The following NME6 variants were observed in gnomAD, a reference collection of about 807,000 sequenced individuals.
NME6 encodes NME/NM23 nucleoside diphosphate kinase 6.
NME6 carries 16 observed loss-of-function variants against 22.2 expected under a neutral mutation model. The ratio of observed to expected loss-of-function variants is 0.72; its 90% CI spans 0.49 to 1.09. NME6 has a LOEUF of 1.09. Ranked by LOEUF, NME6 falls within the 50% of genes least tolerant of loss-of-function variation. NME6 has a pLI of 0.00. For missense variants in NME6, 229 were observed against 239.0 expected (o/e 0.96, Z 0.28); for synonymous variants, 58 against 85.2 (o/e 0.68, Z 1.76).
At position 48,294,612 on chromosome 3, in the gene NME6, T is replaced by C. The variant is rs1178695466; in HGVS notation, c.*25A>G. 7.5e-6 allele frequency: 12 copies of C among 1,609,844 alleles called. No individual in the cohort carries two copies. The highest frequency in any genetic ancestry group is 1.0e-5 in the Non-Finnish European group (12 of 1,176,996). ...AGATGTCTAGGAGAAGTCTGGGCAC[T>C]ACCACTGGTCTTCATAGACCTGCAT... On this transcript the variant is annotated 3_prime_UTR_variant, in exon 6 of 6. Coordinates refer to ENST00000442597, the MANE Select transcript of NME6 (RefSeq NM_001308426.2).
chr3:48,296,330 C>G, intron 3 of NME6, 172 bp from the exon 4 acceptor site: 1 of 876,834 alleles, frequency 1.1e-6, no homozygotes, highest in Non-Finnish European at 1.8e-6. Context: ...TTACAACCTG[C>G]GTAGTTTTGG....
chr3:48,296,845 C>T lies in NME6; in HGVS notation c.91-16G>A. 3 of 1,587,538 alleles carry T rather than the reference C, an allele frequency of 1.9e-6. No individual in the cohort carries two copies. Among genetic ancestry groups the T allele is most frequent in the Non-Finnish European group, 2.6e-6 (3 of 1,160,306 alleles). On this transcript the variant is annotated splice_polypyrimidine_tract_variant and intron_variant, in intron 2 of 5. Coordinates refer to ENST00000442597, the MANE Select transcript of NME6 (RefSeq NM_001308426.2). ...GATGAACAGCCTGAATAAAGACCAT[C>T]CCCAAAATAAAAATCAATCAGGAGA...
In NME6 at chr3:48,295,198, C is replaced by T; in HGVS notation, c.271G>A (p.Ala91Thr). The T allele has an allele frequency of 6.2e-7, 1 of 1,608,050 alleles. No individual in the cohort carries two copies. The highest frequency in any genetic ancestry group is 1.1e-5 in the South Asian group (1 of 90,622). Residue 91 changes from alanine (A) to threonine (T), a missense_variant, in exon 5 of 6, where the codon GCC (alanine) becomes ACC (threonine). Coordinates refer to ENST00000442597, the MANE Select transcript of NME6 (RefSeq NM_001308426.2). ...IRAYILAHKDAIQLWRTLMGP... is the reference protein window; with the variant it reads ...IRAYILAHKDTIQLWRTLMGP... ...ATGAGCGTCCTCCAGAGCTGGATGG[C>T]ATCCTTGTGGGCAAGGATGTAGGCT...
At position 48,298,491 on chromosome 3, in the gene NME6, T is replaced by G; in HGVS notation, c.26A>C (p.Gln9Pro). 6.2e-7 allele frequency: 1 copy of G among 1,610,936 alleles called. No individual in the cohort carries two copies. The change falls in exon 2 of 6, where the codon CAG becomes CCG. Residue 9 changes from glutamine to proline, a missense_variant. Gln to Pro is a moderately conservative substitution (Grantham distance 76). Transcript: ENST00000442597. The part of the protein sequence containing the change: MASILRSP[Q>P]ALQLTLALIK... ...CAGGGCTAGAGTGAGCTGGAGAGCCTGAGGGCTTCGCAAGATTGAGGCCAT... is the reference window on the plus strand; with the variant it reads ...CAGGGCTAGAGTGAGCTGGAGAGCCGGAGGGCTTCGCAAGATTGAGGCCAT...
intron 1 of NME6, chr3:48,298,929 A>G: frequency 1.4e-6 from 1 of 702,808 alleles, no homozygotes; most frequent in Non-Finnish European, 2.6e-6. Flanking sequence ...TGATGAATTC[A>G]TCTCTTAAAA....
In NME6 at chr3:48,295,171, C is replaced by A. The variant is rs1162813916; in HGVS notation, c.298G>T (p.Gly100Ter). ...DAIQLWRTLM[G>*]PTRVFRARHV... is the part of the protein sequence containing the mutation. ...CGTGCTCGGAACACTCTGGTGGGTC[C>A]CATGAGCGTCCTCCAGAGCTGGATG... The change falls in exon 5 of 6, where the codon GGA becomes TGA. Residue 100 changes from glycine (G) to a stop codon, truncating the protein, a stop_gained. Transcript: ENST00000442597. LOFTEE classifies it high-confidence loss of function. The A allele has an allele frequency of 6.2e-7, 1 of 1,614,032 alleles. No homozygotes were observed. The highest frequency in any genetic ancestry group is 1.3e-5 in the African/African-American group (1 of 74,910).
At chr3:48,290,805 G>A (rs912114656), downstream of NME6, 17 of 172,104 alleles carry the variant, frequency 9.9e-5, no homozygotes, top group Non-Finnish European at 7.5e-5. Context: ...AGAACCAAGG[G>A]GCTCCATAAT....
At chr3:48,290,151 T>G (rs1026830944), downstream of NME6, among the ~76,000 whole-genome samples, 3 of 151,792 alleles carry the variant, frequency 2.0e-5, no homozygotes, top group African/African-American at 7.2e-5. Flanking sequence ...GCCTCCACCT[T>G]CCAGGCTCAA....
rs2035340546 is a variant in NME6, at chr3:48,298,458, G to T, written c.59C>A (p.Pro20His). 6.2e-7 allele frequency: 1 copy of T among 1,614,034 alleles called. No individual in the cohort carries two copies. Among genetic ancestry groups the T allele is most frequent in the South Asian group, 1.1e-5 (1 of 91,092 alleles). The stretch of plus-strand genomic sequence containing the variant: ...AATCAGTGGATGGGCGACTGCGTCA[G>T]GCTTGATCAGGGCTAGAGTGAGCTG... ...ALQLTLALIKPDAVAHPLILE... is the reference protein window; with the variant it reads ...ALQLTLALIKHDAVAHPLILE... Residue 20 changes from proline (P) to histidine (H), a missense_variant, in exon 2 of 6, where the codon CCT (proline) becomes CAT (histidine). Coordinates refer to ENST00000442597, the MANE Select transcript of NME6 (RefSeq NM_001308426.2).
At chr3:48,299,369 T>C (rs1476102557) in intron 1 of NME6, 1 of 164,434 alleles carries the variant, frequency 6.1e-6, no homozygotes, top group Non-Finnish European at 1.3e-5. Flanking sequence ...TGAGGTCTTT[T>C]CCAATTGTGA....
chr3:48,301,241 C>T, intron 1 of NME6, 112 bp downstream of exon 1: 24 of 1,566,536 alleles, frequency 1.5e-5, no homozygotes, highest in Non-Finnish European at 1.7e-5. Flanking sequence ...CCCCCTACTT[C>T]TCTAGGCCTG....
Position 48,295,140 on chromosome 3 carries a change from A to G in NME6, c.329T>C (p.Val110Ala). The change falls in exon 5 of 6, where the codon GTG (valine) becomes GCG (alanine). Residue 110 changes from valine (V) to alanine (A), a missense_variant. By Grantham distance (64) the Val-to-Ala change is moderately conservative (BLOSUM62 0). Coordinates refer to ENST00000442597, the MANE Select transcript of NME6 (RefSeq NM_001308426.2). ...GPTRVFRARH[V>A]APDSIRGSFG... ...ACTCCCACGGATAGAATCTGGGGCC[A>G]CATGGCGTGCTCGGAACACTCTGGT... 6.2e-7 allele frequency: 1 copy of G among 1,614,208 alleles called. No homozygotes were observed. Among genetic ancestry groups the G allele is most frequent in the Non-Finnish European group, 8.5e-7 (1 of 1,180,036 alleles).
chr3:48,299,575 G>A (rs1560006110), intron 1 of NME6, among the ~76,000 whole-genome samples: 1 of 144,820 alleles, frequency 6.9e-6, no homozygotes, highest in African/African-American at 2.4e-5. Flanking sequence ...ATGTGTGTGT[G>A]TGTATATATA....
intron 1 of NME6, among the ~76,000 whole-genome samples, chr3:48,299,930 C>T (rs1362118215): frequency 6.6e-6 from 1 of 151,922 alleles, no homozygotes; most frequent in Non-Finnish European, 1.5e-5. Flanking sequence ...ATGACACCTC[C>T]CCTCCCTCAC....
intron 1 of NME6, among the ~76,000 whole-genome samples, chr3:48,299,852 CT>C (rs376043856): frequency 1.3e-4 from 20 of 152,140 alleles, no homozygotes; most frequent in African/African-American, 4.8e-4. Context: ...ACAAGATCAG[CT>C]AACCCACTCT....
Position 48,298,511 on chromosome 3 carries a change from G to A in NME6, c.6C>T (p.Ala2=), listed in dbSNP as rs1244249537. Residue 2 remains alanine, a synonymous_variant, in exon 2 of 6, where the codon GCC becomes GCT. Coordinates refer to ENST00000442597, the MANE Select transcript of NME6 (RefSeq NM_001308426.2). ...GAGCCTGAGGGCTTCGCAAGATTGA[G>A]GCCATCTCACTCCTGCCATTAGAGA... M[A]SILRSPQALQ... is the part of the protein sequence containing the mutation. 1 of 1,604,248 alleles carries A rather than the reference G, an allele frequency of 6.2e-7. No homozygotes were observed. Among genetic ancestry groups the A allele is most frequent in the South Asian group, 1.1e-5 (1 of 89,732 alleles).
chr3:48,291,376 G>C, downstream of NME6: 1 of 448,772 alleles, frequency 2.2e-6, no homozygotes, highest in Non-Finnish European at 4.4e-6. Context: ...GCTCTCACAT[G>C]CTCATGTCAT....
At chr3:48,298,873 T>C (rs2035409568) in intron 1 of NME6, 1 of 672,750 alleles carries the variant, frequency 1.5e-6, no homozygotes, top group Non-Finnish European at 2.7e-6. Context: ...ACAGAGGATT[T>C]ACAATTTATA....
chr3:48,291,987 G>C (rs62263029), downstream of NME6: 4,794 of 152,284 alleles, frequency 0.031, 113 homozygotes, highest in Non-Finnish European at 0.05. Context: ...GGATGGTCTC[G>C]ATCTCCTGAC....
Sources: gnomAD v4.1 joint callset for allele counts (sites outside exome capture counted in the v4.1 genomes callset) on GRCh38, gnomAD v4.1.1 for gene constraint, MANE v1.5 for transcripts, NCBI Gene and HGNC (gene_info 2026-07-23, HGNC 2026-07-21) for gene names.